Variants in TMEM165 observed in about 807,000 individuals in gnomAD.
The protein encoded by TMEM165 is transmembrane protein 165.
Under a neutral mutation model 30.0 loss-of-function variants are expected in TMEM165, and 19 were observed. The observed-to-expected ratio is 0.63, with a 90% CI of 0.44 to 0.93. The LOEUF is 0.93. TMEM165 is among the 40% of genes least tolerant of loss of function. The pLI is 0.00. For synonymous variants in TMEM165, 168 were observed against 162.9 expected (o/e 1.03, Z -0.24); for missense variants, 340 against 417.0 (o/e 0.82, Z 1.61).
intron 4 of TMEM165, among the ~76,000 whole-genome samples, chr4:55,419,967 G>T (rs1457273122): frequency 2.0e-5 from 3 of 150,622 alleles, no homozygotes; most frequent in Non-Finnish European, 1.5e-5. Flanking sequence ...GTGGTAGCGG[G>T]TGCCTGTAAT....
Position 55,422,070 on chromosome 4 carries a change from ATGT to A in TMEM165, c.793-2461_793-2459del, listed in dbSNP as rs530596598. ...AACCCAGTTTCTGGCCTCACCAGGA[ATGT>A]TGTTGTGCTTTGAGCTCCCTGTGGC... On this transcript the variant is annotated intron_variant, in intron 4 of 5. Coordinates refer to ENST00000381334, the MANE Select transcript of TMEM165 (RefSeq NM_018475.5). 4.5e-4 allele frequency among the ~76,000 whole-genome samples: 69 copies of A among 152,284 alleles called. No homozygotes were observed. The South Asian group carries it at 0.013, about 29-fold the overall frequency.
chr4:55,436,606 C>T (rs2109630856), intron 3 of TMEM165, among the ~76,000 whole-genome samples: 1 of 152,282 alleles, frequency 6.6e-6, no homozygotes, highest in African/African-American at 2.4e-5. Context: ...AAGAAACATG[C>T]ACAAACACAC....
chr4:55,433,202 G>A (rs1275968840), intron 3 of TMEM165: 1 of 152,572 alleles, frequency 6.6e-6, no homozygotes, highest in Non-Finnish European at 1.5e-5. Flanking sequence ...CATATGCTCA[G>A]GTACATACAT....
intron 1 of TMEM165, among the ~76,000 whole-genome samples, chr4:55,408,893 G>A (rs781065106): frequency 1.8e-4 from 27 of 148,354 alleles, no homozygotes; most frequent in Non-Finnish European, 3.3e-4. Context: ...AGGAAAATGT[G>A]TCAGAGCCAA....
At chr4:55,426,624 T>A (rs778316704), downstream of TMEM165, among the ~76,000 whole-genome samples, 15 of 152,204 alleles carry the variant, frequency 9.9e-5, no homozygotes, top group Non-Finnish European at 1.9e-4. Context: ...TGAAGGACAA[T>A]TCTACAGAAA....
At chr4:55,450,108 G>T (rs1486854812) in intron 3 of TMEM165, 1 of 1,614,136 alleles carries the variant, frequency 6.2e-7, no homozygotes, top group Non-Finnish European at 8.5e-7. Flanking sequence ...GTCTGAGACG[G>T]CCGTGTGAGA....
chr4:55,449,014 T>C (rs374577211), intron 3 of TMEM165: 25 of 677,278 alleles, frequency 3.7e-5, no homozygotes, highest in South Asian at 2.5e-4. Flanking sequence ...TGTCTTCTCA[T>C]CTATATTGGA....
At chr4:55,424,416 T>C (rs540501352) in intron 4 of TMEM165, 122 bp from the exon 5 acceptor site, 168 of 622,680 alleles carry the variant, frequency 2.7e-4, no homozygotes, top group South Asian at 5.4e-4. Context: ...TACACCTGCA[T>C]TTTTATAACT....
intron 3 of TMEM165, chr4:55,443,653 T>A: frequency 6.5e-7 from 1 of 1,534,628 alleles, no homozygotes; most frequent in Non-Finnish European, 9.0e-7. Flanking sequence ...CAACCACTGA[T>A]CACTCCATAG....
Position 55,443,489 on chromosome 4 carries a change from G to GA in TMEM165, c.409-8740dup, listed in dbSNP as rs76130597. ...AAACTCCGTCTCAAAAAAAAAAAAAGAAAAAAAAAAGCTGAAAATATTTGA... is the reference window on the plus strand; with the variant it reads ...AAACTCCGTCTCAAAAAAAAAAAAAGAAAAAAAAAAAGCTGAAAATATTTGA... On this transcript the variant is annotated intron_variant, in intron 3 of 3. Coordinates refer to the TMEM165 transcript ENST00000608091. 4.0e-3 allele frequency among the ~76,000 whole-genome samples: 516 copies of GA among 128,608 alleles called. 3 individuals carry two copies. Among genetic ancestry groups the GA allele is most frequent in the African/African-American group, 0.014 (493 of 35,654 alleles). 84.4% of individuals were successfully genotyped at this position (128,608 alleles called of 152,430 possible).
At chr4:55,418,102 T>A in intron 4 of TMEM165, 117 bp downstream of exon 4, 13 of 925,610 alleles carry the variant, frequency 1.4e-5, no homozygotes, top group Non-Finnish European at 2.0e-5. Flanking sequence ...GCAAGACTGT[T>A]TTACATCTGA....
At chr4:55,423,390 C>T (rs1186121691) in intron 4 of TMEM165, 1 of 152,302 alleles carries the variant, frequency 6.6e-6, no homozygotes, top group East Asian at 1.9e-4. Context: ...GTGGATCACC[C>T]TTCCTTCAGT....
At chr4:55,446,947 T>C (rs368387856) in intron 3 of TMEM165, among the ~76,000 whole-genome samples, 54 of 152,182 alleles carry the variant, frequency 3.5e-4, no homozygotes, top group African/African-American at 1.3e-3. Context: ...CACACAACTT[T>C]GATTTCAGAA....
At position 55,425,761 on chromosome 4, in the gene TMEM165, TG is replaced by T. The variant is rs1722170656; in HGVS notation, c.*310del. ...CTACCATGCAATTTTCTTTCAGCACTGACCCCTTTTTAAGGAATACAAATTT... is the reference window on the plus strand; with the variant it reads ...CTACCATGCAATTTTCTTTCAGCACTACCCCTTTTTAAGGAATACAAATTT... On this transcript the variant is annotated 3_prime_UTR_variant, in exon 6 of 6. Coordinates refer to ENST00000381334, the MANE Select transcript of TMEM165 (RefSeq NM_018475.5). 1 of 190,800 alleles carries T rather than the reference TG, an allele frequency of 5.2e-6. No homozygotes were observed. The highest frequency in any genetic ancestry group is 1.6e-4 in the South Asian group (1 of 6,206). The allele number at this position is 190,800 out of a possible 1,614,324, so 11.8% of individuals were successfully genotyped here. A position where few individuals can be genotyped will look rare whatever the true frequency, so the allele number is the denominator to read the frequency against.
chr4:55,444,888 A>G, intron 3 of TMEM165: 6 of 1,146,050 alleles, frequency 5.2e-6, no homozygotes, highest in South Asian at 2.6e-5. Flanking sequence ...GTGAAGGATG[A>G]TAACATCCTT....
At chr4:55,444,869 A>G (rs930003717) in intron 3 of TMEM165, 25 of 1,374,490 alleles carry the variant, frequency 1.8e-5, no homozygotes, top group Admixed American at 5.8e-5. Flanking sequence ...AGTAAGCAGT[A>G]TAACATGAGT....
chr4:55,405,851 C>T (rs1274992821), intron 1 of TMEM165, among the ~76,000 whole-genome samples: 2 of 152,360 alleles, frequency 1.3e-5, no homozygotes, highest in East Asian at 3.8e-4. Context: ...CCTCTTGCCT[C>T]TGAGCTTGTC....
exon 4 of TMEM165, chr4:55,453,050 A>C: frequency 6.2e-7 from 1 of 1,602,168 alleles, no homozygotes; most frequent in Non-Finnish European, 8.5e-7. Context: ...TATAAGAAAC[A>C]TACTTTGTCA....
At chr4:55,428,648 TAAAACCA>T (rs1280472208), downstream of TMEM165, 2 of 152,168 alleles carry the variant, frequency 1.3e-5, no homozygotes, top group East Asian at 3.8e-4. Flanking sequence ...CTTTTTAATT[TAAAACCA>T]AGAACCAAGC....
Sources: allele counts gnomAD v4.1 joint callset (sites outside exome capture counted in the v4.1 genomes callset), GRCh38; gene constraint gnomAD v4.1.1; transcripts MANE v1.5; gene names NCBI Gene and HGNC (gene_info 2026-07-23, HGNC 2026-07-21).